PDE10A: variants seen among roughly 807,000 people sequenced by gnomAD.
PDE10A encodes the protein phosphodiesterase 10A.
Under a neutral mutation model 97.7 loss-of-function variants are expected in PDE10A, and 39 were observed. The ratio of observed to expected loss-of-function variants is 0.40; its 90% CI spans 0.31 to 0.52. PDE10A has a LOEUF of 0.52. Among genes scored for constraint, PDE10A ranks in the 20% least tolerant of loss-of-function variants. The pLI, the probability that PDE10A is intolerant of heterozygous loss-of-function variation, is 0.56. For synonymous variants in PDE10A, 371 were observed against 376.8 expected (o/e 0.98, Z 0.18); for missense variants, 731 against 1,047.8 (o/e 0.70, Z 4.17).
chr6:165,972,017 G>T (rs1231064273), intron 1 of PDE10A, among the ~76,000 whole-genome samples: 1 of 152,138 alleles, frequency 6.6e-6, no homozygotes, highest in Non-Finnish European at 1.5e-5. Flanking sequence ...AATAACAGAG[G>T]CTGCAGTCCA....
At chr6:165,451,871 T>C (rs1791320073) in intron 3 of PDE10A, among the ~76,000 whole-genome samples, 1 of 152,222 alleles carries the variant, frequency 6.6e-6, no homozygotes, top group South Asian at 2.1e-4. Flanking sequence ...GGCAGGTTTT[T>C]ATATGAGAGC....
intron 1 of PDE10A, among the ~76,000 whole-genome samples, chr6:165,827,397 CAGA>C (rs1314197856): frequency 1.3e-5 from 2 of 152,222 alleles, no homozygotes; most frequent in East Asian, 1.9e-4. Context: ...CGAACTCTCC[CAGA>C]AGAACTCCTC....
At chr6:165,748,102 C>A (rs141155042) in intron 1 of PDE10A, among the ~76,000 whole-genome samples, 1 of 152,136 alleles carries the variant, frequency 6.6e-6, no homozygotes, top group African/African-American at 2.4e-5. Flanking sequence ...ACAGGAGAGA[C>A]CTGGCAGAGA....
At chr6:165,919,740 G>A (rs901690917) in intron 1 of PDE10A, among the ~76,000 whole-genome samples, 3 of 152,114 alleles carry the variant, frequency 2.0e-5, no homozygotes, top group Non-Finnish European at 2.9e-5. Flanking sequence ...CTTATCTTTC[G>A]CAGTCCTGTT....
At chr6:165,381,776 C>A (rs549178786) in intron 17 of PDE10A, among the ~76,000 whole-genome samples, 77 of 151,912 alleles carry the variant, frequency 5.1e-4, no homozygotes, top group African/African-American at 1.8e-3. Flanking sequence ...CCACCGCGCC[C>A]GGCCACGTCT....
intron 1 of PDE10A, among the ~76,000 whole-genome samples, chr6:165,881,139 T>C (rs960892503): frequency 6.6e-6 from 1 of 152,226 alleles, no homozygotes; most frequent in Non-Finnish European, 1.5e-5. Context: ...AAATGGCTTC[T>C]AGGCTTCTCT....
chr6:165,725,453 G>A (rs1489725123), intron 1 of PDE10A, among the ~76,000 whole-genome samples: 1 of 152,160 alleles, frequency 6.6e-6, no homozygotes, highest in Non-Finnish European at 1.5e-5. Context: ...TCCCCCTAGG[G>A]GTATGAGCAG....
In PDE10A at chr6:165,662,023, G is replaced by A. The variant is rs753927670; in HGVS notation, c.789C>T (p.Phe263=). The change falls in exon 1 of 22, where the codon TTC becomes TTT. Residue 263 remains phenylalanine, a synonymous_variant. Coordinates refer to ENST00000539869, the MANE Select transcript of PDE10A (RefSeq NM_001385079.1). The part of the protein sequence containing the change: ...FALAAAAALL[F]GSDMEDGPSN... ...AAGGTCCATCTTCCATGTCGGAGCCGAAGAGCAGCGCGGCCGCGGCGGCGA... is the reference window on the plus strand; with the variant it reads ...AAGGTCCATCTTCCATGTCGGAGCCAAAGAGCAGCGCGGCCGCGGCGGCGA... The A allele has an allele frequency of 4.7e-6, 7 of 1,502,918 alleles. No individual in the cohort carries two copies. In the Admixed American group the frequency reaches 1.5e-4, roughly 32 times the overall value. 93.1% of individuals were successfully genotyped at this position (1,502,918 alleles called of 1,614,324 possible).
rs959065253 is a variant in PDE10A, at chr6:165,388,059, T to G, written c.2610+239A>C. Among the ~76,000 whole-genome samples the G allele has an allele frequency of 6.6e-6, 1 of 152,240 alleles. No individual in the cohort carries two copies. The highest frequency in any genetic ancestry group is 1.5e-5 in the Non-Finnish European group (1 of 68,028). On this transcript the variant is annotated intron_variant, in intron 17 of 21. Coordinates refer to ENST00000539869, the MANE Select transcript of PDE10A (RefSeq NM_001385079.1). The surrounding 1 kb of genome is among the most constrained non-coding windows in gnomAD (Gnocchi z 4.0). ...TTGCTTTAGGGTTACAGGTACTTAC[T>G]GATATAATGTTTAAAAAACAAATGT...
chr6:165,437,483 T>C (rs1386318760), intron 5 of PDE10A, among the ~76,000 whole-genome samples: 1 of 152,212 alleles, frequency 6.6e-6, no homozygotes, highest in Non-Finnish European at 1.5e-5. Context: ...TTACGCTTGC[T>C]GAAAATAAAA....
At chr6:165,721,490 T>C (rs1040691926) in intron 1 of PDE10A, among the ~76,000 whole-genome samples, 18 of 152,226 alleles carry the variant, frequency 1.2e-4, no homozygotes, top group African/African-American at 4.3e-4. Context: ...GTCATTCTTA[T>C]TTCCTGTCCA....
chr6:165,392,897 A>G lies in PDE10A; in HGVS notation c.2304-101T>C. On this transcript the variant is annotated intron_variant, in intron 15 of 21. Transcript: ENST00000539869. ...TACATATATGTCTGTACCCTTATAC[A>G]TTTGCAACTCTAAAGATTTCCACCC... The G allele has an allele frequency of 7.0e-6, 7 of 1,004,368 alleles. No individual in the cohort carries two copies. In the South Asian group the frequency reaches 8.4e-5, roughly 12 times the overall value. 62.2% of individuals were successfully genotyped at this position (1,004,368 alleles called of 1,614,324 possible).
chr6:165,732,047 C>T (rs991469044), intron 1 of PDE10A, among the ~76,000 whole-genome samples: 2 of 152,158 alleles, frequency 1.3e-5, no homozygotes, highest in African/African-American at 2.4e-5. Context: ...ACTGGATAAG[C>T]GCCCCTTCAC....
At chr6:165,559,394 T>A (rs561355579) in intron 1 of PDE10A, among the ~76,000 whole-genome samples, 9 of 152,232 alleles carry the variant, frequency 5.9e-5, no homozygotes, top group Non-Finnish European at 1.3e-4. Flanking sequence ...CTGAATCATA[T>A]CCTATGTGGC....
chr6:165,513,191 G>C (rs768759162), intron 2 of PDE10A, among the ~76,000 whole-genome samples: 2 of 151,938 alleles, frequency 1.3e-5, no homozygotes, highest in Non-Finnish European at 2.9e-5. Context: ...TAAGGCATAT[G>C]ATTCATATTA....
At chr6:165,755,657 A>G (rs1793100221) in intron 1 of PDE10A, among the ~76,000 whole-genome samples, 1 of 152,206 alleles carries the variant, frequency 6.6e-6, no homozygotes, top group Non-Finnish European at 1.5e-5. Context: ...GCAAAGGGAA[A>G]GAATTACACT....
At chr6:165,767,667 T>C (rs4565279) in intron 1 of PDE10A, among the ~76,000 whole-genome samples, 92,764 of 152,072 alleles carry the variant, frequency 0.61, 28,734 homozygotes, top group East Asian at 0.9. Flanking sequence ...TGGATATATT[T>C]TGTTTATCTA....
In PDE10A at chr6:165,854,759, G is replaced by A. The variant is rs999641035; in HGVS notation, c.-615+132770C>T. On this transcript the variant is annotated intron_variant, in intron 1 of 19. Coordinates refer to the PDE10A transcript ENST00000366882. ...GAGGGACGCGGGGTCCGGGAGGAGG[G>A]CAGCTGCCCCGGGCAGAGCGACTGG... is the stretch of plus-strand genomic sequence containing the variant. Among the ~76,000 whole-genome samples, 4 of 152,304 alleles carry A rather than the reference G, an allele frequency of 2.6e-5. No homozygotes were observed. In the East Asian group the frequency reaches 7.8e-4, roughly 30 times the overall value.
At chr6:165,622,998 G>A (rs1489179149) in intron 1 of PDE10A, among the ~76,000 whole-genome samples, 3 of 152,126 alleles carry the variant, frequency 2.0e-5, no homozygotes, top group Non-Finnish European at 4.4e-5. Flanking sequence ...TGACGCACCT[G>A]CTCCCGCTTC....
Sources: gnomAD v4.1 joint callset for allele counts (sites outside exome capture counted in the v4.1 genomes callset) on GRCh38, gnomAD v4.1.1 for gene constraint, Gnocchi (gnomAD v3.1) non-coding constraint, MANE v1.5 for transcripts, NCBI Gene and HGNC (gene_info 2026-07-23, HGNC 2026-07-21) for gene names.